Variants in HIVEP3 observed in about 807,000 individuals in gnomAD.
HIVEP3 encodes transcription factor HIVEP3.
In HIVEP3, 49 loss-of-function variants were observed where a neutral mutation model predicts 152.8. The observed-to-expected ratio is 0.32, with a 90% CI of 0.26 to 0.41. The LOEUF (loss-of-function observed/expected upper bound fraction) is 0.41, where lower values mean the gene tolerates loss of function less well. Among genes scored for constraint, HIVEP3 ranks in the 10% least tolerant of loss-of-function variants. The pLI, the probability that HIVEP3 is intolerant of heterozygous loss-of-function variation, is 1.00. For missense variants in HIVEP3, 2,790 were observed against 3,103.3 expected (o/e 0.90, Z 2.40); for synonymous variants, 1,269 against 1,289.0 (o/e 0.98, Z 0.33).
chr1:41,534,249 G>A lies in HIVEP3; in HGVS notation c.5208-9339C>T, dbSNP rs576220079. Among the ~76,000 whole-genome samples the A allele has an allele frequency of 2.3e-3, 354 of 152,140 alleles. 1 individual carries two copies. The highest frequency in any genetic ancestry group is 5.6e-3 in the South Asian group (27 of 4,820). On this transcript the variant is annotated intron_variant, in intron 5 of 8. Coordinates refer to ENST00000372583, the MANE Select transcript of HIVEP3 (RefSeq NM_024503.5). ...ACTTCATGCTTCTCCCACTACCATC[G>A]GAGCGAAGCCCTGCATTCCTTGGCA...
chr1:41,834,192 G>C (rs1643051805), intron 1 of HIVEP3, among the ~76,000 whole-genome samples: 1 of 152,174 alleles, frequency 6.6e-6, no homozygotes, highest in Non-Finnish European at 1.5e-5. Flanking sequence ...TGAAGTCTTT[G>C]GGGACAGGAG....
intron 2 of HIVEP3, among the ~76,000 whole-genome samples, chr1:41,680,272 T>A (rs890905884): frequency 1.3e-5 from 2 of 152,200 alleles, no homozygotes; most frequent in Non-Finnish European, 2.9e-5. Context: ...ACTGAGCATG[T>A]CCAAGGTATC....
chr1:41,895,520 C>A (rs183803381), intron 1 of HIVEP3, among the ~76,000 whole-genome samples: 1 of 152,340 alleles, frequency 6.6e-6, no homozygotes, highest in Admixed American at 6.5e-5. Flanking sequence ...TGTGCTAATG[C>A]AGGCCACCCA....
At chr1:41,624,687 G>C (rs1395695782) in intron 3 of HIVEP3, among the ~76,000 whole-genome samples, 3 of 152,186 alleles carry the variant, frequency 2.0e-5, no homozygotes, top group African/African-American at 7.2e-5. Context: ...GGGGCTTCCT[G>C]TCTGACTTAT....
At chr1:41,907,072 C>T (rs1316778560) in intron 1 of HIVEP3, among the ~76,000 whole-genome samples, 1 of 152,120 alleles carries the variant, frequency 6.6e-6, no homozygotes, top group Non-Finnish European at 1.5e-5. Flanking sequence ...CTGGCAAGCC[C>T]GCAAGGCTCT....
At chr1:41,579,141 T>C (rs559080696) in intron 4 of HIVEP3, among the ~76,000 whole-genome samples, 1 of 152,328 alleles carries the variant, frequency 6.6e-6, no homozygotes, top group African/African-American at 2.4e-5. Context: ...GTGAGTGGCA[T>C]TGCCATCCAC....
intron 1 of HIVEP3, among the ~76,000 whole-genome samples, chr1:41,777,400 G>A (rs1054275732): frequency 8.5e-5 from 13 of 152,202 alleles, no homozygotes; most frequent in Non-Finnish European, 1.6e-4. Flanking sequence ...CAGAATCACG[G>A]CTGTGTGCCC....
At chr1:41,760,150 T>C (rs1200067465) in intron 1 of HIVEP3, among the ~76,000 whole-genome samples, 1 of 152,140 alleles carries the variant, frequency 6.6e-6, no homozygotes, top group East Asian at 1.9e-4. Context: ...AGCCACTCCA[T>C]AGCTCTAGCC....
rs998972000 is a variant in HIVEP3 at position 41,854,517 on chromosome 1, CTTTTT to C, written c.-801+63891_-801+63895del. Among the ~76,000 whole-genome samples, 95 of 103,634 alleles carry C rather than the reference CTTTTT, an allele frequency of 9.2e-4. 1 individual carries two copies. Among genetic ancestry groups the C allele is most frequent in the Admixed American group, 2.0e-4 (2 of 10,098 alleles). 68.0% of individuals were successfully genotyped at this position (103,634 alleles called of 152,430 possible). ...TCCCTCTTGGCATATTCTTGCTGCACTTTTTTTTTTTTTTTTTTTTTTATACTCTA... is the reference window on the plus strand; with the variant it reads ...TCCCTCTTGGCATATTCTTGCTGCACTTTTTTTTTTTTTTTTTATACTCTA... On this transcript the variant is annotated intron_variant, in intron 1 of 8. Coordinates refer to ENST00000372583, the MANE Select transcript of HIVEP3 (RefSeq NM_024503.5).
chr1:41,948,120 C>T (rs1322895135), intron 1 of HIVEP3, among the ~76,000 whole-genome samples: 2 of 152,196 alleles, frequency 1.3e-5, no homozygotes, highest in Admixed American at 1.3e-4. Context: ...CTTGACTGAT[C>T]CCAACCTCAA....
intron 1 of HIVEP3, among the ~76,000 whole-genome samples, chr1:42,022,701 T>C (rs1171970948): frequency 6.6e-6 from 1 of 152,226 alleles, no homozygotes; most frequent in Non-Finnish European, 1.5e-5. Context: ...TATATATCTC[T>C]TCTTTTTTCT....
chr1:41,884,995 T>C (rs1362130039), intron 1 of HIVEP3, among the ~76,000 whole-genome samples: 1 of 152,220 alleles, frequency 6.6e-6, no homozygotes, highest in Non-Finnish European at 1.5e-5. Context: ...GAGGATTGGA[T>C]ACAGCTGTCA....
rs778452553 is a variant in HIVEP3 at position 41,581,136 on chromosome 1, G to A, written c.3662C>T (p.Pro1221Leu). 3 of 1,552,010 alleles carry A rather than the reference G, an allele frequency of 1.9e-6. No homozygotes were observed. The South Asian group carries it at 3.7e-5, about 19-fold the overall frequency. ...CGGGTATGGCATGGGGAGGAAGGAA[G>A]GGGGCTGCCTGAAGGGGATGTTGGC... Reference protein sequence around the residue: ...HPANIPFRQPPSFLPMPYPTS... With the variant: ...HPANIPFRQPLSFLPMPYPTS... The change falls in exon 4 of 9, where the codon CCT (proline) becomes CTT (leucine). Residue 1221 changes from proline to leucine, a missense_variant. Pro to Leu is a moderately conservative substitution (Grantham distance 98). Around this residue, in one of 9 missense-constraint regions of HIVEP3, gnomAD observed 1,078 missense variants for 1,165.3 expected, o/e 0.93. Coordinates refer to ENST00000372583, the MANE Select transcript of HIVEP3 (RefSeq NM_024503.5). The surrounding 1 kb of genome is among the most constrained non-coding windows in gnomAD (Gnocchi z 4.5).
rs1570316948 is a variant in HIVEP3 at position 41,688,074 on chromosome 1, A to T, written c.-721+12842T>A. Among the ~76,000 whole-genome samples, 3 of 150,862 alleles carry T rather than the reference A, an allele frequency of 2.0e-5. No individual in the cohort carries two copies. The South Asian group carries it at 6.2e-4, about 31-fold the overall frequency. On this transcript the variant is annotated intron_variant, in intron 2 of 8. Coordinates refer to ENST00000372583, the MANE Select transcript of HIVEP3 (RefSeq NM_024503.5). ...CAGAAAGATGCATGTGCCTGTGGGC[A>T]CCACGGTTCTTGTTGATAGTTCCTG...
At chr1:41,996,401 A>G (rs973857131) in intron 1 of HIVEP3, among the ~76,000 whole-genome samples, 3 of 151,178 alleles carry the variant, frequency 2.0e-5, no homozygotes, top group Non-Finnish European at 4.4e-5. Context: ...AAAAAAAAAA[A>G]AGAGAGAGAG....
chr1:41,980,728 G>A (rs752612721), intron 1 of HIVEP3, among the ~76,000 whole-genome samples: 3 of 152,224 alleles, frequency 2.0e-5, no homozygotes, highest in Admixed American at 1.3e-4. Context: ...GGGAAAGGGT[G>A]TGAATGGAAC....
intron 2 of HIVEP3, among the ~76,000 whole-genome samples, chr1:41,667,299 T>G (rs529969441): frequency 3.9e-5 from 6 of 152,248 alleles, no homozygotes; most frequent in Non-Finnish European, 5.9e-5. Context: ...AGGAGGCCAG[T>G]TGGCCTCAAG....
chr1:41,585,531 G>C (rs549046433), intron 3 of HIVEP3, among the ~76,000 whole-genome samples: 9 of 152,234 alleles, frequency 5.9e-5, no homozygotes, highest in South Asian at 2.1e-4. Flanking sequence ...TCCCATGTCA[G>C]TGTTGGGTGA....
At position 41,582,392 on chromosome 1, in the gene HIVEP3, G is replaced by A. The variant is rs757754718; in HGVS notation, c.2406C>T (p.His802=). The A allele has an allele frequency of 6.2e-7, 1 of 1,614,230 alleles. No individual in the cohort carries two copies. The highest frequency in any genetic ancestry group is 8.5e-7 in the Non-Finnish European group (1 of 1,180,048). ...AATCAGATTTCTCAAAGGAGCTGGT[G>A]TGCTGGATGACAGAAATTTCTTTGG... is the stretch of plus-strand genomic sequence containing the variant. The part of the protein sequence containing the change: ...TTSKEISVIQ[H]TSSFEKSDSL... Residue 802 remains histidine (H), a synonymous_variant, in exon 4 of 9, where the codon CAC becomes CAT. Transcript: ENST00000372583. The surrounding 1 kb of genome is among the most constrained non-coding windows in gnomAD (Gnocchi z 4.7).
Sources: allele counts gnomAD v4.1 joint callset (sites outside exome capture counted in the v4.1 genomes callset), GRCh38; gene constraint gnomAD v4.1.1; regional missense constraint gnomAD v4.1.1; non-coding constraint Gnocchi (gnomAD v3.1); transcripts MANE v1.5; gene names NCBI Gene and HGNC (gene_info 2026-07-23, HGNC 2026-07-21).